ZNF705G: variants seen among roughly 807,000 people sequenced by gnomAD.
ZNF705G encodes putative zinc finger protein 705G.
Under a neutral mutation model 19.6 loss-of-function variants are expected in ZNF705G, and 23 were observed. The ratio of observed to expected loss-of-function variants is 1.17; its 90% CI spans 0.84 to 1.66. The LOEUF (loss-of-function observed/expected upper bound fraction) is 1.66. Ranked by LOEUF, ZNF705G falls within the 40% of genes most tolerant of loss-of-function variation. The probability of loss-of-function intolerance (pLI) is 0.00; values close to 1 mark genes in which losing one functional copy is unlikely to be tolerated. For synonymous variants in ZNF705G, 146 were observed against 117.7 expected, an observed-to-expected ratio of 1.24 and a Z score of -1.56; for missense variants, 457 against 354.4, an observed-to-expected ratio of 1.29 and a Z score of -2.32.
chr8:7,367,132 T>C (rs1245129180), intron 2 of ZNF705G, among the ~76,000 whole-genome samples: 7 of 149,452 alleles, frequency 4.7e-5, no homozygotes, highest in African/African-American at 1.8e-4. Flanking sequence ...GAATGTGAAG[T>C]AACAATTCAC....
intron 2 of ZNF705G, among the ~76,000 whole-genome samples, chr8:7,366,833 G>C (rs1471078035): frequency 2.0e-5 from 3 of 149,524 alleles, no homozygotes; most frequent in Non-Finnish European, 4.4e-5. Context: ...TGCCCAACAC[G>C]ATTTTCTGTG....
chr8:7,369,666 C>G (rs1395405913), intron 2 of ZNF705G, among the ~76,000 whole-genome samples: 5 of 149,696 alleles, frequency 3.3e-5, no homozygotes, highest in Non-Finnish European at 5.9e-5. Flanking sequence ...ATCAATGTTA[C>G]AGTGGATAGA....
rs773893645 is a variant in ZNF705G at position 7,361,090 on chromosome 8, A to C, written c.139+20T>G. ...AGTGAATGTGTCTCTACATATGTAC[A>C]TGAATGTTCAGGGACTCACCGAGGG... is the stretch of plus-strand genomic sequence containing the variant. On this transcript the variant is annotated intron_variant, in intron 4 of 6. Coordinates refer to ENST00000400156, the MANE Select transcript of ZNF705G (RefSeq NM_001164457.3). 1.9e-6 allele frequency: 3 copies of C among 1,592,814 alleles called. No individual in the cohort carries two copies. Among genetic ancestry groups the C allele is most frequent in the African/African-American group, 2.8e-5 (2 of 71,056 alleles).
chr8:7,373,178 T>G, intron 2 of ZNF705G: 1 of 330,754 alleles, frequency 3.0e-6, no homozygotes, highest in East Asian at 8.1e-5. Context: ...ACCATTTTCT[T>G]CTTTATGAGC....
In ZNF705G at chr8:7,362,057, C is replaced by T. The variant is rs140208633; in HGVS notation, c.13-821G>A. Among the ~76,000 whole-genome samples, 906 of 149,418 alleles carry T rather than the reference C, an allele frequency of 6.1e-3. 1 individual carries two copies. Among genetic ancestry groups the T allele is most frequent in the Admixed American group, 0.011 (170 of 15,190 alleles). On this transcript the variant is annotated intron_variant, in intron 3 of 6. Transcript: ENST00000400156. ...AACTTTCTCTCGGCAATCCAAACAT[C>T]AGTTATCATCGTTTCTCTTTTAAAT...
chr8:7,360,334 T>G lies in ZNF705G; in HGVS notation c.140-2A>C, dbSNP rs766794391. On this transcript the variant is annotated splice_acceptor_variant, in intron 4 of 6. Coordinates refer to ENST00000400156, the MANE Select transcript of ZNF705G (RefSeq NM_001164457.3). LOFTEE classifies it high-confidence loss of function. ...TATAGGATTTGCTTATCTGGTACCC[T>G]GTTAGTGGAAAGAATACATGTGTTT... 5 of 1,588,628 alleles carry G rather than the reference T, an allele frequency of 3.1e-6. No homozygotes were observed. The highest frequency in any genetic ancestry group is 4.2e-6 in the Non-Finnish European group (5 of 1,178,158).
At chr8:7,379,230 G>A (rs1310910562) in intron 2 of ZNF705G, among the ~76,000 whole-genome samples, 2 of 147,624 alleles carry the variant, frequency 1.4e-5, no homozygotes, top group Non-Finnish European at 2.9e-5. Flanking sequence ...TCAAAACATT[G>A]GGTTCAAAAT....
intron 1 of ZNF705G, among the ~76,000 whole-genome samples, chr8:7,383,158 A>G (rs1239585798): frequency 7.3e-6 from 1 of 136,160 alleles, no homozygotes; most frequent in African/African-American, 2.8e-5. Context: ...CTACCTGGTT[A>G]AAAGCGATAA....
At position 7,368,271 on chromosome 8, in the gene ZNF705G, G is replaced by A. The variant is rs567636925; in HGVS notation, c.-71-5254C>T. 4.7e-5 allele frequency among the ~76,000 whole-genome samples: 7 copies of A among 149,306 alleles called. No homozygotes were observed. In the East Asian group the frequency reaches 9.6e-4, roughly 21 times the overall value. The stretch of plus-strand genomic sequence containing the variant: ...TAAAGTTGGAAACCAAAGAGTTAAG[G>A]CTATTTTGAAGGAAAAATATGAACA... On this transcript the variant is annotated intron_variant, in intron 2 of 6. Coordinates refer to ENST00000400156, the MANE Select transcript of ZNF705G (RefSeq NM_001164457.3).
Position 7,361,499 on chromosome 8 carries a change from T to C in ZNF705G, c.13-263A>G, listed in dbSNP as rs543617303. Among the ~76,000 whole-genome samples, 166 of 149,856 alleles carry C rather than the reference T, an allele frequency of 1.1e-3. 11 individuals are homozygous for C. Among genetic ancestry groups the C allele is most frequent in the African/African-American group, 3.7e-3 (144 of 39,236 alleles). Reference sequence around the variant, plus strand: ...ATATAACCCAGATATTTTTCAGTAATGTGTTAATCACCTCTACATAACTGA... The same window carrying C: ...ATATAACCCAGATATTTTTCAGTAACGTGTTAATCACCTCTACATAACTGA... On this transcript the variant is annotated intron_variant, in intron 3 of 6. Coordinates refer to ENST00000400156, the MANE Select transcript of ZNF705G (RefSeq NM_001164457.3).
chr8:7,382,583 T>A (rs1303380582), intron 1 of ZNF705G, among the ~76,000 whole-genome samples: 1 of 146,540 alleles, frequency 6.8e-6, no homozygotes, highest in Non-Finnish European at 1.5e-5. Flanking sequence ...AGTTTATTTT[T>A]AATGCCAGAC....
At chr8:7,379,051 G>C (rs1270906278) in intron 2 of ZNF705G, among the ~76,000 whole-genome samples, 30 of 150,612 alleles carry the variant, frequency 2.0e-4, no homozygotes, top group Non-Finnish European at 2.8e-4. Context: ...CATTCATAGA[G>C]TTTTCTTTTT....
At chr8:7,383,111 G>A (rs1335182177) in intron 1 of ZNF705G, among the ~76,000 whole-genome samples, 1 of 144,372 alleles carries the variant, frequency 6.9e-6, no homozygotes, top group Non-Finnish European at 1.5e-5. Context: ...TTCCTTGGTT[G>A]AGTTCAATGT....
At chr8:7,370,673 C>A (rs1807062985) in intron 2 of ZNF705G, among the ~76,000 whole-genome samples, 1 of 138,822 alleles carries the variant, frequency 7.2e-6, no homozygotes, top group African/African-American at 3.1e-5. Context: ...CAAAGACCTA[C>A]AACCAGAAAT....
At chr8:7,364,713 C>T (rs1440462144) in intron 2 of ZNF705G, among the ~76,000 whole-genome samples, 1 of 149,540 alleles carries the variant, frequency 6.7e-6, no homozygotes, top group Non-Finnish European at 1.5e-5. Flanking sequence ...CAGACTTCAA[C>T]AAGCACTTTT....
Position 7,379,508 on chromosome 8 carries a change from A to G in ZNF705G, c.-72+1944T>C, listed in dbSNP as rs182949720. Among the ~76,000 whole-genome samples, 444 of 147,362 alleles carry G rather than the reference A, an allele frequency of 3.0e-3. 76 individuals are homozygous for G. The highest frequency in any genetic ancestry group is 0.012 in the African/African-American group (425 of 36,848). On this transcript the variant is annotated intron_variant, in intron 2 of 6. Coordinates refer to ENST00000400156, the MANE Select transcript of ZNF705G (RefSeq NM_001164457.3). ...CTCCCAAAGAAAGACCAAGACAGCA[A>G]GTAGATAATCATACCTTGAAGAGGG...
Position 7,368,096 on chromosome 8 carries a change from G to GA in ZNF705G, c.-71-5080dup, listed in dbSNP as rs761790210. On this transcript the variant is annotated intron_variant, in intron 2 of 6. Transcript: ENST00000400156. ...CTCTGATTGGCTTCCCCTTATATAT[G>GA]AAAAAAAAATTAATAAACCGAATCA... Among the ~76,000 whole-genome samples, 726 of 148,690 alleles carry GA rather than the reference G, an allele frequency of 4.9e-3. 15 individuals carry two copies. The highest frequency in any genetic ancestry group is 7.9e-3 in the Non-Finnish European group (535 of 67,824).
At chr8:7,363,129 C>G in intron 2 of ZNF705G, 112 bp from the exon 3 acceptor site, 1 of 1,356,856 alleles carries the variant, frequency 7.4e-7, no homozygotes, top group East Asian at 2.3e-5. Context: ...GCACCACAGC[C>G]TAACCAACAG....
chr8:7,380,987 G>T (rs1340965757), intron 2 of ZNF705G, among the ~76,000 whole-genome samples: 2 of 93,000 alleles, frequency 2.2e-5, no homozygotes, highest in Non-Finnish European at 3.5e-5. Flanking sequence ...CTGCACTGCA[G>T]CCTGGCCTAC....
Sources: gnomAD v4.1 joint callset for allele counts (sites outside exome capture counted in the v4.1 genomes callset) on GRCh38, gnomAD v4.1.1 for gene constraint, MANE v1.5 for transcripts, NCBI Gene and HGNC (gene_info 2026-07-23, HGNC 2026-07-21) for gene names.